KDF1: variants seen among roughly 807,000 people sequenced by gnomAD.
KDF1 encodes keratinocyte differentiation factor 1.
KDF1 carries 11 observed loss-of-function variants against 31.6 expected under a neutral mutation model. The ratio of observed to expected loss-of-function variants is 0.35; its 90% CI spans 0.22 to 0.58. The LOEUF is 0.58. Ranked by LOEUF, KDF1 falls within the 20% of genes least tolerant of loss-of-function variation. The pLI is 0.83. For missense variants in KDF1, 476 were observed against 549.1 expected (o/e 0.87, Z 1.33); for synonymous variants, 205 against 214.4 (o/e 0.96, Z 0.38).
In KDF1 at chr1:26,950,219, G is replaced by T; in HGVS notation, c.1115-68C>A. 7.0e-7 allele frequency: 1 copy of T among 1,424,172 alleles called. No individual in the cohort carries two copies. Among genetic ancestry groups the T allele is most frequent in the South Asian group, 1.2e-5 (1 of 86,540 alleles). 88.2% of individuals were successfully genotyped at this position (1,424,172 alleles called of 1,614,324 possible). A position where few individuals can be genotyped will look rare whatever the true frequency, so the allele number is the denominator to read the frequency against. ...GGAGCTCATCCAGATCCCATGACCA[G>T]GGAGAAGCCTGCTGAGAAGGAGCAG... On this transcript the variant is annotated intron_variant, in intron 3 of 3. Coordinates refer to ENST00000320567, the MANE Select transcript of KDF1 (RefSeq NM_152365.3). This position sits in a 1 kb window ranked among gnomAD's most constrained non-coding sequence, Gnocchi z 4.0.
chr1:26,958,756 A>T (rs953627650), intron 1 of KDF1, among the ~76,000 whole-genome samples: 6 of 152,208 alleles, frequency 3.9e-5, no homozygotes, highest in Admixed American at 2.0e-4. Flanking sequence ...TCCATGGACC[A>T]GCGTGTGCCC....
Sources: gnomAD v4.1 joint callset for allele counts (sites outside exome capture counted in the v4.1 genomes callset) on GRCh38, gnomAD v4.1.1 for gene constraint, Gnocchi (gnomAD v3.1) non-coding constraint, MANE v1.5 for transcripts, NCBI Gene and HGNC (gene_info 2026-07-23, HGNC 2026-07-21) for gene names.